Variants in WHRN observed in about 807,000 individuals in gnomAD.
WHRN encodes CASK-interacting protein CIP98.
In WHRN, 41 loss-of-function variants were observed where a neutral mutation model predicts 68.3. The ratio of observed to expected loss-of-function variants is 0.60; its 90% CI spans 0.47 to 0.78. WHRN has a LOEUF of 0.78. Among genes scored for constraint, WHRN ranks in the 30% least tolerant of loss-of-function variants. The pLI, the probability that WHRN is intolerant of heterozygous loss-of-function variation, is 0.00. For synonymous variants in WHRN, 560 were observed against 561.3 expected, an observed-to-expected ratio of 1.00 and a Z score of 0.03; for missense variants, 1,243 against 1,244.7, an observed-to-expected ratio of 1.00 and a Z score of 0.02.
chr9:114,504,889 C>G lies in WHRN; in HGVS notation c.-88G>C, dbSNP rs975486363. ...CGGGTACTGGCGCGACAGCTGGATC[C>G]CCGGGAGCGCGGAGACGACGGCTGG... is the stretch of plus-strand genomic sequence containing the variant. On this transcript the variant is annotated 5_prime_UTR_variant, in exon 1 of 12. Transcript: ENST00000362057. 6.8e-6 allele frequency: 9 copies of G among 1,328,552 alleles called. No homozygotes were observed. The highest frequency in any genetic ancestry group is 8.6e-6 in the Non-Finnish European group (9 of 1,048,100). 82.3% of individuals were successfully genotyped at this position (1,328,552 alleles called of 1,614,324 possible). A position where few individuals can be genotyped will look rare whatever the true frequency, so the allele number is the denominator to read the frequency against.
intron 1 of WHRN, among the ~76,000 whole-genome samples, chr9:114,487,295 A>T (rs1243811798): frequency 6.6e-6 from 1 of 151,334 alleles, no homozygotes; most frequent in Non-Finnish European, 1.5e-5. Flanking sequence ...AACGACTGAT[A>T]TGTGTTGATG....
At chr9:114,432,445 C>T (rs551645425) in intron 3 of WHRN, among the ~76,000 whole-genome samples, 1 of 152,332 alleles carries the variant, frequency 6.6e-6, no homozygotes, top group Non-Finnish European at 1.5e-5. Context: ...TCTAAGCCTT[C>T]CTTCCCAAAA....
intron 3 of WHRN, among the ~76,000 whole-genome samples, chr9:114,433,606 TCATTA>T (rs988006212): frequency 1.3e-5 from 2 of 152,240 alleles, no homozygotes; most frequent in Admixed American, 6.5e-5. Context: ...TTTTTTTCTT[TCATTA>T]CAAGTAAGCA....
chr9:114,502,632 T>C (rs1288873525), intron 1 of WHRN, among the ~76,000 whole-genome samples: 1 of 152,100 alleles, frequency 6.6e-6, no homozygotes, highest in Non-Finnish European at 1.5e-5. Flanking sequence ...GGGGTGCAAA[T>C]TGAAGGGACA....
chr9:114,487,851 C>T (rs1046955721), intron 1 of WHRN, among the ~76,000 whole-genome samples: 4 of 152,178 alleles, frequency 2.6e-5, no homozygotes, highest in Admixed American at 6.5e-5. Context: ...GTGGAGGCCT[C>T]GCAATGTCCT....
intron 1 of WHRN, among the ~76,000 whole-genome samples, chr9:114,484,323 T>A (rs1386852020): frequency 6.6e-6 from 1 of 152,094 alleles, no homozygotes; most frequent in Non-Finnish European, 1.5e-5. Context: ...ACCACACCCC[T>A]CTCTAGCCAT....
At chr9:114,442,957 CA>C (rs1228504934) in intron 3 of WHRN, among the ~76,000 whole-genome samples, 2 of 151,030 alleles carry the variant, frequency 1.3e-5, no homozygotes, top group African/African-American at 2.4e-5. Context: ...CAAAACAAAA[CA>C]AAAAAAAACT....
chr9:114,503,297 TC>T (rs2133458719), intron 1 of WHRN: 1 of 675,364 alleles, frequency 1.5e-6, no homozygotes, highest in Non-Finnish European at 1.8e-6. Flanking sequence ...GTGTCCCTTT[TC>T]CCCCAAACTC....
rs576364705 is a variant in WHRN, at chr9:114,406,560, G to A, written c.2031C>T (p.Ile677=). The A allele has an allele frequency of 2.1e-5, 34 of 1,612,206 alleles. No homozygotes were observed. The highest frequency in any genetic ancestry group is 4.5e-5 in the East Asian group (2 of 44,852). Residue 677 remains isoleucine, a synonymous_variant, in exon 9 of 12, where the codon ATC becomes ATT. Transcript: ENST00000362057. ...GTGACTGGACCCGTGGGAAGGGGCC[G>A]ATGGGGTGTTGGTTGACCAGGGCCA... ...AHLALVNQHP[I]GPFPRVQSPP...
At chr9:114,463,832 C>T (rs1348838129) in intron 3 of WHRN, among the ~76,000 whole-genome samples, 4 of 152,160 alleles carry the variant, frequency 2.6e-5, no homozygotes, top group African/African-American at 7.2e-5. Flanking sequence ...TAGACCTGGC[C>T]GACACCGTGG....
chr9:114,455,791 G>A (rs1244538385), intron 3 of WHRN, among the ~76,000 whole-genome samples: 1 of 151,486 alleles, frequency 6.6e-6, no homozygotes, highest in Non-Finnish European at 1.5e-5. Context: ...CTCAACTTAT[G>A]ATGGTGTTAT....
intron 7 of WHRN, among the ~76,000 whole-genome samples, chr9:114,417,747 A>C (rs1376386561): frequency 6.6e-6 from 1 of 152,216 alleles, no homozygotes; most frequent in Non-Finnish European, 1.5e-5. Flanking sequence ...GTGGTGAATA[A>C]AGGTGATTAT....
intron 3 of WHRN, among the ~76,000 whole-genome samples, chr9:114,461,106 C>G (rs1373170367): frequency 6.6e-6 from 1 of 152,154 alleles, no homozygotes. Context: ...GCAAATAAAG[C>G]CTTTGATTGC....
At chr9:114,488,337 C>T (rs765853660) in intron 1 of WHRN, among the ~76,000 whole-genome samples, 7 of 152,146 alleles carry the variant, frequency 4.6e-5, no homozygotes, top group Non-Finnish European at 8.8e-5. Context: ...AGCAAAATTA[C>T]AGCGATGATG....
chr9:114,497,299 T>C (rs993339133), intron 1 of WHRN, among the ~76,000 whole-genome samples: 4 of 152,152 alleles, frequency 2.6e-5, no homozygotes, highest in Admixed American at 2.0e-4. Flanking sequence ...GGCTGCTAAC[T>C]GAAGCAAAGC....
At chr9:114,492,437 A>T (rs2133328046) in intron 1 of WHRN, among the ~76,000 whole-genome samples, 1 of 152,370 alleles carries the variant, frequency 6.6e-6, no homozygotes, top group South Asian at 2.1e-4. Context: ...TTATGCAATC[A>T]TTAAAAAATC....
Position 114,407,991 on chromosome 9 carries a change from C to A in WHRN, c.1654G>T (p.Glu552Ter). 1 of 1,604,234 alleles carries A rather than the reference C, an allele frequency of 6.2e-7. No individual in the cohort carries two copies. The highest frequency in any genetic ancestry group is 2.2e-5 in the East Asian group (1 of 44,596). ...GCGTTGATATTGCCCTGGACAGCCT[C>A]GCCAGTTTCCTCCAGGTCCAGAGTG... ...RNTLDLEETG[E>*]AVQGNINALP... is the part of the protein sequence containing the mutation. The change falls in exon 8 of 12, where the codon GAG becomes TAG. Residue 552 changes from glutamate to a stop codon, truncating the protein, a stop_gained. Transcript: ENST00000362057. LOFTEE classifies it high-confidence loss of function.
rs186301656 is a variant in WHRN at position 114,443,871 on chromosome 9, G to A, written c.964-17458C>T. 1.8e-3 allele frequency among the ~76,000 whole-genome samples: 274 copies of A among 152,124 alleles called. 1 individual carries two copies. Among genetic ancestry groups the A allele is most frequent in the African/African-American group, 6.5e-3 (269 of 41,372 alleles). ...AGGTTTAATGGACTCACAGTTCCAC[G>A]TGGCTGGGTAGGCCTCAAATCATGG... is the stretch of plus-strand genomic sequence containing the variant. On this transcript the variant is annotated intron_variant, in intron 3 of 11. Transcript: ENST00000362057.
intron 2 of WHRN, among the ~76,000 whole-genome samples, chr9:114,477,096 T>C (rs1488619077): frequency 6.6e-6 from 1 of 152,216 alleles, no homozygotes; most frequent in Non-Finnish European, 1.5e-5. Flanking sequence ...CCCGGGCTGC[T>C]GTGGTGCATA....
Sources: allele counts gnomAD v4.1 joint callset (sites outside exome capture counted in the v4.1 genomes callset), GRCh38; gene constraint gnomAD v4.1.1; transcripts MANE v1.5; gene names NCBI Gene and HGNC (gene_info 2026-07-23, HGNC 2026-07-21).